CCSER1: variants seen among roughly 807,000 people sequenced by gnomAD.
CCSER1 encodes the protein coiled-coil serine rich protein 1.
In CCSER1, 41 loss-of-function variants were observed where a neutral mutation model predicts 82.0. That is an observed-to-expected ratio of 0.50 (90% CI 0.39 to 0.65). The LOEUF is 0.65. Among genes scored for constraint, CCSER1 ranks in the 30% least tolerant of loss-of-function variants. The pLI is 0.00. For synonymous variants in CCSER1, 414 were observed against 383.9 expected (o/e 1.08, Z -0.92); for missense variants, 1,119 against 1,064.2 (o/e 1.05, Z -0.72).
At chr4:90,324,630 C>T (rs1294165603) in intron 3 of CCSER1, among the ~76,000 whole-genome samples, 1 of 150,170 alleles carries the variant, frequency 6.7e-6, no homozygotes, top group African/African-American at 2.4e-5. Context: ...TGCCTGTTCA[C>T]TCTGATGGTA....
chr4:90,958,421 C>A (rs1398503431), intron 9 of CCSER1, among the ~76,000 whole-genome samples: 1 of 152,174 alleles, frequency 6.6e-6, no homozygotes, highest in African/African-American at 2.4e-5. Flanking sequence ...GGTCTCCCTG[C>A]ATACCTCTTG....
At chr4:90,932,997 A>AG (rs1491495864) in intron 9 of CCSER1, among the ~76,000 whole-genome samples, 1 of 71,368 alleles carries the variant, frequency 1.4e-5, no homozygotes, top group South Asian at 3.3e-4. Context: ...AGAAAGAAAG[A>AG]AAGAAAGAAA....
intron 10 of CCSER1, among the ~76,000 whole-genome samples, chr4:91,198,752 T>A (rs1305026961): frequency 6.6e-6 from 1 of 152,140 alleles, no homozygotes; most frequent in Non-Finnish European, 1.5e-5. Flanking sequence ...ATAAAATAAA[T>A]CCACTTAAAA....
chr4:91,319,666 G>T lies in CCSER1; in HGVS notation c.2217+233672G>T, dbSNP rs189649191. On this transcript the variant is annotated intron_variant, in intron 10 of 10. Coordinates refer to ENST00000509176, the MANE Select transcript of CCSER1 (RefSeq NM_001145065.2). Reference sequence around the variant, plus strand: ...CTACCTAATACAAAACCCAGTCTGTGATTCTCCCTTCTCCACTTAGTCTTC... The same window carrying T: ...CTACCTAATACAAAACCCAGTCTGTTATTCTCCCTTCTCCACTTAGTCTTC... 8.8e-4 allele frequency: 402 copies of T among 455,796 alleles called. 1 individual carries two copies. The highest frequency in any genetic ancestry group is 1.3e-3 in the Non-Finnish European group (294 of 226,714). The allele number at this position is 455,796 out of a possible 1,614,324, so 28.2% of individuals were successfully genotyped here.
intron 10 of CCSER1, among the ~76,000 whole-genome samples, chr4:91,513,677 T>C (rs1759948233): frequency 6.6e-6 from 1 of 152,192 alleles, no homozygotes; most frequent in Non-Finnish European, 1.5e-5. Flanking sequence ...AATTTCTTTC[T>C]GATTCAATTT....
intron 9 of CCSER1, among the ~76,000 whole-genome samples, chr4:91,034,540 TAC>T (rs796181411): frequency 0.33 from 48,488 of 145,838 alleles, 8,153 homozygotes; most frequent in East Asian, 0.5. Context: ...AAAAATTTCA[TAC>T]ACCCCCCCCA....
intron 9 of CCSER1, among the ~76,000 whole-genome samples, chr4:91,054,069 A>T (rs752817515): frequency 3.3e-5 from 5 of 152,190 alleles, no homozygotes; most frequent in Non-Finnish European, 7.3e-5. Context: ...TCACTGGGTT[A>T]TAGGGGGGCT....
chr4:90,888,690 C>T (rs1236133352), intron 8 of CCSER1, among the ~76,000 whole-genome samples: 5 of 152,064 alleles, frequency 3.3e-5, no homozygotes, highest in African/African-American at 1.2e-4. Context: ...AAGTTAAGTC[C>T]TTTGAAAGTG....
At chr4:90,866,872 A>G (rs1765789406) in intron 8 of CCSER1, among the ~76,000 whole-genome samples, 2 of 151,914 alleles carry the variant, frequency 1.3e-5, no homozygotes, top group Admixed American at 6.6e-5. Flanking sequence ...TCCCTTGTAT[A>G]TCCAGTTCAC....
chr4:90,977,343 T>G (rs1406290133), intron 9 of CCSER1, among the ~76,000 whole-genome samples: 1 of 151,526 alleles, frequency 6.6e-6, no homozygotes, highest in Non-Finnish European at 1.5e-5. Flanking sequence ...TTCTGATACT[T>G]GAGGCTAAAA....
chr4:91,193,052 C>G lies in CCSER1; in HGVS notation c.2217+107058C>G, dbSNP rs184040452. ...CATGCAAAACTCCCATTTTCTTTCC[C>G]TGTACTGACATGTGTTTTGTAATGA... On this transcript the variant is annotated intron_variant, in intron 10 of 10. Transcript: ENST00000509176. Among the ~76,000 whole-genome samples, 125 of 152,240 alleles carry G rather than the reference C, an allele frequency of 8.2e-4. No homozygotes were observed. The Middle Eastern group carries it at 0.01, about 13-fold the overall frequency.
At position 90,611,059 on chromosome 4, in the gene CCSER1, C is replaced by CTTTTCTTTTTT. The variant is rs1303751301; in HGVS notation, c.1725-16962_1725-16961insCTTTTTTTTTT. Among the ~76,000 whole-genome samples, 201 of 93,814 alleles carry CTTTTCTTTTTT rather than the reference C, an allele frequency of 2.1e-3. 2 individuals are homozygous for CTTTTCTTTTTT. The highest frequency in any genetic ancestry group is 3.3e-3 in the Non-Finnish European group (175 of 53,398). 61.5% of individuals were successfully genotyped at this position (93,814 alleles called of 152,430 possible). ...TGCCTGGCTAATTTTCTTTTCTTTT[C>CTTTTCTTTTTT]TTTTTTTTTTTTTTTTTTTTGTAGA... On this transcript the variant is annotated intron_variant, in intron 5 of 10. Transcript: ENST00000509176.
intron 10 of CCSER1, among the ~76,000 whole-genome samples, chr4:91,146,907 G>A (rs1729597877): frequency 6.6e-6 from 1 of 152,186 alleles, no homozygotes; most frequent in Non-Finnish European, 1.5e-5. Context: ...CTCTGGGAAA[G>A]GGAGACAGAG....
At chr4:91,401,049 AG>A (rs1031308985) in intron 10 of CCSER1, among the ~76,000 whole-genome samples, 115 of 152,000 alleles carry the variant, frequency 7.6e-4, no homozygotes, top group African/African-American at 2.7e-3. Context: ...TTCGAGATAA[AG>A]AAAATGTGAA....
At chr4:91,500,771 T>A (rs1759169043) in intron 10 of CCSER1, among the ~76,000 whole-genome samples, 1 of 152,028 alleles carries the variant, frequency 6.6e-6, no homozygotes, top group Non-Finnish European at 1.5e-5. Context: ...TATTTTTTAT[T>A]ATTATTTCAA....
rs748805446 is a variant in CCSER1, at chr4:90,308,926, A to C, written c.642A>C (p.Thr214=). 5 of 1,613,870 alleles carry C rather than the reference A, an allele frequency of 3.1e-6. No individual in the cohort carries two copies. ...AGTCTGAATTCTCATTGGAAGTTAC[A>C]CAGTACCAAGAGAGAGAACCTGTAT... ...VQQSEFSLEV[T]QYQEREPVLV... The change falls in exon 2 of 11, where the codon ACA becomes ACC. Residue 214 remains threonine (T), a synonymous_variant. Transcript: ENST00000509176.
intron 3 of CCSER1, among the ~76,000 whole-genome samples, chr4:90,344,540 T>C (rs1741985718): frequency 5.3e-5 from 8 of 152,084 alleles, no homozygotes; most frequent in Admixed American, 5.2e-4. Context: ...ATTAAAAATA[T>C]TGTGAAATCG....
chr4:91,437,922 A>T (rs1560670433), intron 10 of CCSER1, among the ~76,000 whole-genome samples: 1 of 152,126 alleles, frequency 6.6e-6, no homozygotes, highest in Non-Finnish European at 1.5e-5. Flanking sequence ...GCAGCGAGGC[A>T]GGGGGAGGGG....
At chr4:91,037,674 A>G (rs1198574099) in intron 9 of CCSER1, among the ~76,000 whole-genome samples, 1 of 152,114 alleles carries the variant, frequency 6.6e-6, no homozygotes, top group Non-Finnish European at 1.5e-5. Flanking sequence ...TGCCATAAAA[A>G]TGAAAGAAAG....
Sources: gnomAD v4.1 joint callset for allele counts (sites outside exome capture counted in the v4.1 genomes callset) on GRCh38, gnomAD v4.1.1 for gene constraint, MANE v1.5 for transcripts, NCBI Gene and HGNC (gene_info 2026-07-23, HGNC 2026-07-21) for gene names.